Variants in SNTG1 observed in about 807,000 individuals in gnomAD.
SNTG1 encodes the protein syntrophin gamma 1.
Under a neutral mutation model 74.7 loss-of-function variants are expected in SNTG1, and 39 were observed. The observed-to-expected ratio is 0.52, with a 90% CI of 0.40 to 0.68. SNTG1 has a LOEUF of 0.68. Among genes scored for constraint, SNTG1 ranks in the 30% least tolerant of loss-of-function variants. SNTG1 has a pLI of 0.00. For missense variants in SNTG1, 685 were observed against 609.5 expected, an observed-to-expected ratio of 1.12 and a Z score of -1.30; for synonymous variants, 254 against 217.1, an observed-to-expected ratio of 1.17 and a Z score of -1.49.
Position 50,547,419 on chromosome 8 carries a change from A to T in SNTG1, c.681-5631A>T, listed in dbSNP as rs552093838. ...GTAGGGGATTAAAAAAGAAACTGCCACAATCCCCTTAAAATATATGAATCT... is the reference window on the plus strand; with the variant it reads ...GTAGGGGATTAAAAAAGAAACTGCCTCAATCCCCTTAAAATATATGAATCT... On this transcript the variant is annotated intron_variant, in intron 11 of 18. Transcript: ENST00000642720. Among the ~76,000 whole-genome samples the T allele has an allele frequency of 3.9e-5, 6 of 152,292 alleles. No homozygotes were observed. The East Asian group carries it at 9.7e-4, about 25-fold the overall frequency.
At chr8:50,491,196 G>A (rs1276171374) in intron 8 of SNTG1, 2 of 152,356 alleles carry the variant, frequency 1.3e-5, no homozygotes, top group African/African-American at 2.4e-5. Flanking sequence ...GTGACCTGGA[G>A]ACACACCTCG....
At chr8:50,437,618 G>C (rs1347545369) in intron 4 of SNTG1, among the ~76,000 whole-genome samples, 2 of 152,182 alleles carry the variant, frequency 1.3e-5, no homozygotes, top group Admixed American at 6.5e-5. Context: ...TATTTGTAGA[G>C]ATATAGGGAC....
intron 13 of SNTG1, among the ~76,000 whole-genome samples, chr8:50,622,840 T>A (rs553367140): frequency 6.6e-6 from 1 of 152,208 alleles, no homozygotes; most frequent in Admixed American, 6.5e-5. Context: ...TAGTTAGGAG[T>A]TTTGAAGATT....
intron 1 of SNTG1, among the ~76,000 whole-genome samples, chr8:50,155,559 G>A (rs947327131): frequency 3.3e-5 from 5 of 151,960 alleles, no homozygotes; most frequent in African/African-American, 1.2e-4. Flanking sequence ...ATTCTATAAT[G>A]TTTAGAAATT....
intron 5 of SNTG1, among the ~76,000 whole-genome samples, chr8:50,447,016 A>G (rs1386998145): frequency 6.6e-6 from 1 of 152,222 alleles, no homozygotes; most frequent in Non-Finnish European, 1.5e-5. Flanking sequence ...CTGTAATAAA[A>G]GTTATGTGAA....
chr8:50,267,730 G>C (rs993280557), intron 2 of SNTG1, among the ~76,000 whole-genome samples: 14 of 152,080 alleles, frequency 9.2e-5, no homozygotes, highest in Non-Finnish European at 1.8e-4. Context: ...GATGCAGAAA[G>C]CACATTTGAC....
intron 1 of SNTG1, among the ~76,000 whole-genome samples, chr8:50,098,844 A>C (rs1164549001): frequency 6.6e-6 from 1 of 152,156 alleles, no homozygotes; most frequent in African/African-American, 2.4e-5. Flanking sequence ...TTTGTGGAAC[A>C]TAAGTGCACT....
chr8:50,301,532 T>C (rs936871160), intron 2 of SNTG1, among the ~76,000 whole-genome samples: 1 of 152,178 alleles, frequency 6.6e-6, no homozygotes, highest in Admixed American at 6.6e-5. Flanking sequence ...CTTACAATAA[T>C]TGATTTGGAG....
chr8:50,354,472 T>G (rs1373628758), intron 2 of SNTG1, among the ~76,000 whole-genome samples: 1 of 152,222 alleles, frequency 6.6e-6, no homozygotes, highest in Non-Finnish European at 1.5e-5. Context: ...TGTATTATCA[T>G]TGAATCTTGC....
intron 2 of SNTG1, among the ~76,000 whole-genome samples, chr8:50,216,294 G>A (rs1320004621): frequency 6.6e-6 from 1 of 152,014 alleles, no homozygotes; most frequent in Non-Finnish European, 1.5e-5. Flanking sequence ...ATCACTTCTA[G>A]TTCCATGTGT....
At chr8:50,380,441 C>T (rs1233644061) in intron 2 of SNTG1, among the ~76,000 whole-genome samples, 1 of 152,198 alleles carries the variant, frequency 6.6e-6, no homozygotes, top group Non-Finnish European at 1.5e-5. Flanking sequence ...CTAGAGCAAA[C>T]TCTATAAATA....
chr8:50,498,889 T>C (rs2093927038), intron 8 of SNTG1, among the ~76,000 whole-genome samples: 1 of 151,814 alleles, frequency 6.6e-6, no homozygotes, highest in Admixed American at 6.6e-5. Context: ...GAAAAATTGT[T>C]GTTTATTTTT....
intron 1 of SNTG1, among the ~76,000 whole-genome samples, chr8:50,050,829 G>T (rs981340552): frequency 6.6e-6 from 1 of 151,974 alleles, no homozygotes; most frequent in African/African-American, 2.4e-5. Context: ...TCCCAGTATT[G>T]TAAATTGTAT....
At chr8:50,311,065 G>A (rs895573209) in intron 2 of SNTG1, among the ~76,000 whole-genome samples, 11 of 152,170 alleles carry the variant, frequency 7.2e-5, no homozygotes, top group Non-Finnish European at 1.5e-4. Flanking sequence ...TTTCACTGAG[G>A]CATGATTCTT....
At chr8:50,003,110 A>G (rs1814897154) in intron 1 of SNTG1, among the ~76,000 whole-genome samples, 1 of 152,190 alleles carries the variant, frequency 6.6e-6, no homozygotes, top group Non-Finnish European at 1.5e-5. Flanking sequence ...ATAGGCAGTC[A>G]TATCTACTGG....
At chr8:50,724,201 G>T (rs943037769) in intron 17 of SNTG1, among the ~76,000 whole-genome samples, 2 of 152,058 alleles carry the variant, frequency 1.3e-5, no homozygotes, top group African/African-American at 2.4e-5. Flanking sequence ...AACAGGAAGG[G>T]TCACTGGCTG....
rs2094536843 is a variant in SNTG1, at chr8:50,569,792, G to T, written c.810+16613G>T. ...TCCTAAAGTCTACTTTTTAGCATTAGTATGTTGCTGTCTGCTTGTCTGCAT... is the reference window on the plus strand; with the variant it reads ...TCCTAAAGTCTACTTTTTAGCATTATTATGTTGCTGTCTGCTTGTCTGCAT... On this transcript the variant is annotated intron_variant, in intron 12 of 18. Coordinates refer to ENST00000642720, the MANE Select transcript of SNTG1 (RefSeq NM_018967.5). Among the ~76,000 whole-genome samples, 3 of 152,088 alleles carry T rather than the reference G, an allele frequency of 2.0e-5. No individual in the cohort carries two copies. In the South Asian group the frequency reaches 6.2e-4, roughly 32 times the overall value.
At chr8:50,740,506 T>C (rs1041002527) in intron 17 of SNTG1, among the ~76,000 whole-genome samples, 1 of 152,032 alleles carries the variant, frequency 6.6e-6, no homozygotes, top group Admixed American at 6.6e-5. Flanking sequence ...CTGACAAGGT[T>C]GTAGAGAAAA....
At chr8:50,696,703 A>G (rs1464455709) in intron 15 of SNTG1, among the ~76,000 whole-genome samples, 1 of 151,988 alleles carries the variant, frequency 6.6e-6, no homozygotes, top group Non-Finnish European at 1.5e-5. Context: ...TCCTTTACCC[A>G]GTGTATATTC....
Sources: gnomAD v4.1 joint callset for allele counts (sites outside exome capture counted in the v4.1 genomes callset) on GRCh38, gnomAD v4.1.1 for gene constraint, MANE v1.5 for transcripts, NCBI Gene and HGNC (gene_info 2026-07-23, HGNC 2026-07-21) for gene names.